The following ANKRD36C variants were observed in gnomAD, a reference collection of about 807,000 sequenced individuals.
The protein encoded by ANKRD36C is ankyrin repeat domain-containing protein 36C.
In ANKRD36C, 61 loss-of-function variants were observed where a neutral mutation model predicts 276.4. The observed-to-expected ratio is 0.22, with a 90% CI of 0.18 to 0.27. The LOEUF is 0.27. ANKRD36C is among the 10% of genes least tolerant of loss of function. The pLI is 1.00. For missense variants in ANKRD36C, 1,447 were observed against 2,032.3 expected (o/e 0.71, Z 5.54); for synonymous variants, 483 against 680.1 (o/e 0.71, Z 4.51).
At position 95,912,380 on chromosome 2, in the gene ANKRD36C, T is replaced by G. The variant is rs758571427; in HGVS notation, c.2580+27A>C. 4 of 1,603,656 alleles carry G rather than the reference T, an allele frequency of 2.5e-6. No homozygotes were observed. In the Admixed American group the frequency reaches 6.7e-5, roughly 27 times the overall value. ...TTTCATAGGCTTTACGTTTACTAGC[T>G]CACAATATGAATGAGAGTTTCATTA... On this transcript the variant is annotated intron_variant, in intron 41 of 66. Coordinates refer to ENST00000456556, the Ensembl canonical transcript of ANKRD36C.
chr2:95,953,974 G>A (rs1228362823), exon 14 of ANKRD36C: 1 of 1,535,762 alleles, frequency 6.5e-7, no homozygotes, highest in African/African-American at 1.4e-5. Flanking sequence ...TCTGTCACAG[G>A]CTGTGCAACA....
At chr2:95,985,911 G>T (rs1455896954) in intron 3 of ANKRD36C, among the ~76,000 whole-genome samples, 2 of 151,878 alleles carry the variant, frequency 1.3e-5, no homozygotes, top group African/African-American at 4.8e-5. Flanking sequence ...CTTGAGAGTA[G>T]AGTTTAGATG....
chr2:95,963,329 G>A (rs1444577310), intron 6 of ANKRD36C, among the ~76,000 whole-genome samples: 1 of 152,002 alleles, frequency 6.6e-6, no homozygotes. Context: ...ATTTGGAAAT[G>A]ACTCCAATAT....
At chr2:95,858,119 C>T (rs1229253434) in intron 61 of ANKRD36C, among the ~76,000 whole-genome samples, 3 of 151,768 alleles carry the variant, frequency 2.0e-5, no homozygotes, top group Admixed American at 6.6e-5. Flanking sequence ...TGATTGCTGT[C>T]TCATGCTTCT....
chr2:95,967,450 G>A (rs530571028), intron 6 of ANKRD36C, among the ~76,000 whole-genome samples: 3 of 152,206 alleles, frequency 2.0e-5, no homozygotes, highest in South Asian at 2.1e-4. Context: ...ACCATCTCAC[G>A]CCATTTAGAA....
rs1676438871 is a variant in ANKRD36C, at chr2:95,893,534, T to G, written c.2756-1674A>C. On this transcript the variant is annotated intron_variant, in intron 44 of 66. Coordinates refer to ENST00000456556, the Ensembl canonical transcript of ANKRD36C. ...CATTAAATCTGTTTTCAAAATTACCTGTTCTAGATTTTTCTCCATCCTTTT... is the reference window on the plus strand; with the variant it reads ...CATTAAATCTGTTTTCAAAATTACCGGTTCTAGATTTTTCTCCATCCTTTT... 3.9e-6 allele frequency: 6 copies of G among 1,544,418 alleles called. No individual in the cohort carries two copies. The East Asian group carries it at 1.5e-4, about 38-fold the overall frequency.
At chr2:95,925,582 G>C in intron 28 of ANKRD36C, 35 bp from the exon 29 acceptor site, 1 of 1,515,830 alleles carries the variant, frequency 6.6e-7, no homozygotes, top group East Asian at 2.5e-5. Context: ...TTCATCATAT[G>C]TAAATATGAT....
intron 44 of ANKRD36C, 40 bp from the exon 60 acceptor site, chr2:95,897,382 A>G (rs1676584424): frequency 6.4e-7 from 1 of 1,550,782 alleles, no homozygotes; most frequent in African/African-American, 1.4e-5. Context: ...TTAATAAAGT[A>G]TGTTTCATAG....
chr2:95,966,774 T>A (rs970899651), intron 6 of ANKRD36C, among the ~76,000 whole-genome samples: 1 of 152,170 alleles, frequency 6.6e-6, no homozygotes, highest in African/African-American at 2.4e-5. Context: ...ATTTTCAAGA[T>A]ATTGATTCTT....
At position 95,893,827 on chromosome 2, in the gene ANKRD36C, T is replaced by C; in HGVS notation, c.2756-1967A>G. The stretch of plus-strand genomic sequence containing the variant: ...TCAAACTCTGTCCTCCTGCCTGTAT[T>C]AGCGTAGGCTTTAATGGCTTCTACT... On this transcript the variant is annotated intron_variant, in intron 44 of 66. Transcript: ENST00000456556. 1.3e-6 allele frequency: 2 copies of C among 1,572,414 alleles called. 1 individual carries two copies. Among genetic ancestry groups the C allele is most frequent in the Non-Finnish European group, 1.7e-6 (2 of 1,161,440 alleles).
intron 42 of ANKRD36C, among the ~76,000 whole-genome samples, chr2:95,911,098 T>A (rs1477195045): frequency 6.6e-6 from 1 of 151,390 alleles, no homozygotes; most frequent in African/African-American, 2.4e-5. Flanking sequence ...AATTGATCAC[T>A]TTGGATACCT....
intron 19 of ANKRD36C, among the ~76,000 whole-genome samples, chr2:95,944,287 G>C (rs1338504321): frequency 1.3e-5 from 2 of 152,088 alleles, no homozygotes; most frequent in South Asian, 4.1e-4. Flanking sequence ...TTGTGGAGCT[G>C]TTCTTTCAGG....
chr2:95,910,156 C>T lies in ANKRD36C; in HGVS notation c.2653+2088G>A, dbSNP rs1202132514. On this transcript the variant is annotated intron_variant, in intron 42 of 66. Transcript: ENST00000456556. ...TCAACTGCTCTCCATATATCTTCTTCCCAACTTCAATGTGGGGAACTGTAT... is the reference window on the plus strand; with the variant it reads ...TCAACTGCTCTCCATATATCTTCTTTCCAACTTCAATGTGGGGAACTGTAT... Among the ~76,000 whole-genome samples the T allele has an allele frequency of 5.3e-5, 8 of 151,352 alleles. No homozygotes were observed. The East Asian group carries it at 1.4e-3, about 26-fold the overall frequency.
intron 42 of ANKRD36C, 41 bp from the exon 54 acceptor site, chr2:95,902,999 T>A: frequency 1.3e-6 from 2 of 1,572,932 alleles, no homozygotes; most frequent in Admixed American, 1.8e-5. Flanking sequence ...TAATAAAGTA[T>A]GCTTCATAGA....
intron 50 of ANKRD36C, among the ~76,000 whole-genome samples, chr2:95,886,671 CT>C (rs1436825401): frequency 6.6e-6 from 1 of 151,710 alleles, no homozygotes; most frequent in Non-Finnish European, 1.5e-5. Flanking sequence ...TCAACATGCT[CT>C]TTAACTTGCC....
At chr2:95,957,665 T>C (rs182545092) in intron 12 of ANKRD36C, among the ~76,000 whole-genome samples, 104 of 152,318 alleles carry the variant, frequency 6.8e-4, no homozygotes, top group Admixed American at 2.0e-3. Flanking sequence ...TACATCTGAA[T>C]AAGGTTGTCC....
intron 31 of ANKRD36C, 41 bp from the exon 32 acceptor site, chr2:95,923,608 G>A: frequency 6.2e-7 from 1 of 1,608,514 alleles, no homozygotes; most frequent in Non-Finnish European, 8.5e-7. Flanking sequence ...AAGAAAGTAT[G>A]TTTCATGGAC....
intron 40 of ANKRD36C, among the ~76,000 whole-genome samples, 165 bp from the exon 43 acceptor site, chr2:95,912,600 G>GA (rs34234916): frequency 6.6e-6 from 1 of 151,242 alleles, no homozygotes; most frequent in Non-Finnish European, 1.5e-5. Context: ...GAAACACACT[G>GA]AAAAAAGGGA....
In ANKRD36C at chr2:95,914,169, G is replaced by A. The variant is rs570005083; in HGVS notation, c.2490C>T (p.Asp830=). The change falls in exon 40 of 67, where the codon GAC becomes GAT. Residue 830 remains aspartate (D), a synonymous_variant. Transcript: ENST00000456556. ...CTATATTCAAAACAGAATCTTCCTC[G>A]TCACTTGTAGCCTGAATGGAATTTG... The A allele has an allele frequency of 4.2e-5, 66 of 1,584,184 alleles. 1 individual carries two copies. Among genetic ancestry groups the A allele is most frequent in the African/African-American group, 3.4e-4 (25 of 74,144 alleles).
Sources: allele counts gnomAD v4.1 joint callset (sites outside exome capture counted in the v4.1 genomes callset), GRCh38; gene constraint gnomAD v4.1.1; transcripts MANE v1.5; gene names NCBI Gene and HGNC (gene_info 2026-07-23, HGNC 2026-07-21).